The following ABLIM3 variants were observed in gnomAD, a reference collection of about 807,000 sequenced individuals.
ABLIM3 encodes the protein actin-binding LIM protein 3.
In ABLIM3, 61 loss-of-function variants were observed where a neutral mutation model predicts 109.5. The observed-to-expected ratio is 0.56, with a 90% confidence interval of 0.45 to 0.69. ABLIM3 has a LOEUF of 0.69. Ranked by LOEUF, ABLIM3 falls within the 30% of genes least tolerant of loss-of-function variation. The pLI is 0.00. For synonymous variants in ABLIM3, 300 were observed against 324.8 expected (o/e 0.92, Z 0.82); for missense variants, 796 against 889.5 (o/e 0.89, Z 1.34).
chr5:149,211,316 T>C (rs1759534217), intron 7 of ABLIM3, among the ~76,000 whole-genome samples: 1 of 152,134 alleles, frequency 6.6e-6, no homozygotes, highest in South Asian at 2.1e-4. Flanking sequence ...GATGTATGAC[T>C]CCTTCTGCAG....
chr5:149,147,640 T>C (rs1753055815), intron 2 of ABLIM3, among the ~76,000 whole-genome samples: 1 of 152,210 alleles, frequency 6.6e-6, no homozygotes, highest in African/African-American at 2.4e-5. Flanking sequence ...GTATAAGAAA[T>C]TCCTAATCAC....
At chr5:149,190,917 G>A (rs1300260439) in intron 3 of ABLIM3, among the ~76,000 whole-genome samples, 1 of 152,136 alleles carries the variant, frequency 6.6e-6, no homozygotes, top group African/African-American at 2.4e-5. Context: ...AAAATGCTAT[G>A]TATCAAAAAC....
intron 2 of ABLIM3, among the ~76,000 whole-genome samples, chr5:149,179,635 C>A (rs1349040112): frequency 6.6e-6 from 1 of 151,632 alleles, no homozygotes; most frequent in Non-Finnish European, 1.5e-5. Flanking sequence ...TAGGATTCAA[C>A]CAAGTTTCAT....
intron 2 of ABLIM3, among the ~76,000 whole-genome samples, chr5:149,175,247 A>C (rs896931307): frequency 6.6e-5 from 10 of 152,144 alleles, no homozygotes; most frequent in African/African-American, 2.4e-4. Context: ...ATTAACTGGG[A>C]TTTCCTTTAC....
At chr5:149,201,222 C>A (rs1474805223) in intron 5 of ABLIM3, among the ~76,000 whole-genome samples, 1 of 152,130 alleles carries the variant, frequency 6.6e-6, no homozygotes, top group Non-Finnish European at 1.5e-5. Flanking sequence ...AGTTGGCAGG[C>A]TGCTGCTGCA....
At chr5:149,242,147 G>A (rs1042156952) in intron 14 of ABLIM3, among the ~76,000 whole-genome samples, 2 of 152,118 alleles carry the variant, frequency 1.3e-5, no homozygotes, top group Admixed American at 6.5e-5. Flanking sequence ...AATGAGGTGT[G>A]GCCACTGGTG....
At position 149,259,068 on chromosome 5, in the gene ABLIM3, C is replaced by T. The variant is rs1754691327; in HGVS notation, c.*664C>T. On this transcript the variant is annotated 3_prime_UTR_variant, in exon 24 of 24. Transcript: ENST00000309868. ...TCTCCCTTGTCCAAATCTAGGATTC[C>T]TGGTAGGAAAAGGAAAAGGCCCTTC... The T allele has an allele frequency of 9.9e-7, 1 of 1,006,968 alleles. No individual in the cohort carries two copies. The highest frequency in any genetic ancestry group is 1.2e-6 in the Non-Finnish European group (1 of 842,998). 62.4% of individuals were successfully genotyped at this position (1,006,968 alleles called of 1,614,324 possible).
chr5:149,239,577 T>C (rs1190912424), intron 12 of ABLIM3, among the ~76,000 whole-genome samples, 182 bp from the exon 13 acceptor site: 1 of 152,192 alleles, frequency 6.6e-6, no homozygotes, highest in Non-Finnish European at 1.5e-5. Context: ...GGGAAAGCCC[T>C]GGAAATTCTC....
chr5:149,158,387 A>C (rs943062217), intron 2 of ABLIM3, among the ~76,000 whole-genome samples: 1 of 152,202 alleles, frequency 6.6e-6, no homozygotes, highest in Non-Finnish European at 1.5e-5. Flanking sequence ...CTAACATGTA[A>C]GTATTACTTA....
At chr5:149,217,500 C>CCG in intron 8 of ABLIM3, 1 of 172,726 alleles carries the variant, frequency 5.8e-6, no homozygotes, top group East Asian at 1.6e-4. Flanking sequence ...CAGGGACTCT[C>CCG]AGAACACACA....
intron 16 of ABLIM3, among the ~76,000 whole-genome samples, chr5:149,245,770 G>A (rs764528097): frequency 6.6e-6 from 1 of 152,088 alleles, no homozygotes; most frequent in Non-Finnish European, 1.5e-5. Context: ...TTCCTTTCAA[G>A]TATGGGGGGA....
chr5:149,177,428 G>A (rs1460141631), intron 2 of ABLIM3, among the ~76,000 whole-genome samples: 2 of 152,158 alleles, frequency 1.3e-5, no homozygotes, highest in African/African-American at 2.4e-5. Flanking sequence ...AACAGCAGAT[G>A]CATCCAAAAT....
intron 2 of ABLIM3, among the ~76,000 whole-genome samples, chr5:149,182,549 A>G (rs574816412): frequency 4.7e-4 from 72 of 152,332 alleles, no homozygotes; most frequent in Non-Finnish European, 9.1e-4. Flanking sequence ...TGCCTAATGA[A>G]ATATCAGATG....
chr5:149,195,554 TG>T (rs745487550), intron 3 of ABLIM3, among the ~76,000 whole-genome samples: 1 of 152,024 alleles, frequency 6.6e-6, no homozygotes, highest in African/African-American at 2.4e-5. Flanking sequence ...AGTTTTCCTA[TG>T]GTGGCCTGGA....
intron 8 of ABLIM3, among the ~76,000 whole-genome samples, chr5:149,227,752 G>A (rs1450478221): frequency 6.6e-6 from 1 of 152,174 alleles, no homozygotes; most frequent in African/African-American, 2.4e-5. Context: ...CTGGAGTTGT[G>A]GCTGTCTAAT....
intron 13 of ABLIM3, among the ~76,000 whole-genome samples, chr5:149,240,134 G>A (rs1752660178): frequency 6.6e-6 from 1 of 152,246 alleles, no homozygotes; most frequent in Admixed American, 6.5e-5. Flanking sequence ...CAGGAGAGGG[G>A]GCTGGCAGGT....
Position 149,198,899 on chromosome 5 carries a change from T to C in ABLIM3, c.335+497T>C. On this transcript the variant is annotated intron_variant, in intron 4 of 23. Transcript: ENST00000309868. The surrounding 1 kb of genome is among the most constrained non-coding windows in gnomAD (Gnocchi z 4.2). Reference sequence around the variant, plus strand: ...AGTTTCTCCACAGGTAAAATGGAGGTCAAAGCCATTCCAACCTCATTGGGT... The same window carrying C: ...AGTTTCTCCACAGGTAAAATGGAGGCCAAAGCCATTCCAACCTCATTGGGT... The C allele has an allele frequency of 2.7e-6, 1 of 371,804 alleles. No homozygotes were observed. Among genetic ancestry groups the C allele is most frequent in the Non-Finnish European group, 5.4e-6 (1 of 186,424 alleles). 23.0% of individuals were successfully genotyped at this position (371,804 alleles called of 1,614,324 possible).
At chr5:149,206,865 G>A (rs1239362308) in intron 5 of ABLIM3, 143 bp from the exon 6 acceptor site, 2 of 1,079,250 alleles carry the variant, frequency 1.9e-6, no homozygotes, top group Non-Finnish European at 2.5e-6. Flanking sequence ...CCCTGGGAGA[G>A]CCTCTGGGAA....
At chr5:149,250,406 G>A in intron 19 of ABLIM3, 41 bp from the exon 20 acceptor site, 1 of 1,607,536 alleles carries the variant, frequency 6.2e-7, no homozygotes, top group Non-Finnish European at 8.5e-7. Flanking sequence ...GGGACTCATG[G>A]CTTGGGACTC....
Sources: allele counts gnomAD v4.1 joint callset (sites outside exome capture counted in the v4.1 genomes callset), GRCh38; gene constraint gnomAD v4.1.1; non-coding constraint Gnocchi (gnomAD v3.1); transcripts MANE v1.5; gene names NCBI Gene and HGNC (gene_info 2026-07-23, HGNC 2026-07-21).